PTPRD: variants seen among roughly 807,000 people sequenced by gnomAD.
PTPRD encodes the protein receptor-type tyrosine-protein phosphatase delta.
Under a neutral mutation model 214.5 loss-of-function variants are expected in PTPRD, and 34 were observed. The ratio of observed to expected loss-of-function variants is 0.16; its 90% CI spans 0.12 to 0.21. PTPRD has a LOEUF of 0.21. Ranked by LOEUF, PTPRD falls within the 10% of genes least tolerant of loss-of-function variation. The pLI, the probability that PTPRD is intolerant of heterozygous loss-of-function variation, is 1.00. For missense variants in PTPRD, 2,545 were observed against 2,398.7 expected (o/e 1.06, Z -1.27); for synonymous variants, 1,128 against 845.7 (o/e 1.33, Z -5.79).
chr9:10,552,395 C>A (rs1467771088), intron 2 of PTPRD, among the ~76,000 whole-genome samples: 1 of 152,272 alleles, frequency 6.6e-6, no homozygotes, highest in Non-Finnish European at 1.5e-5. Flanking sequence ...CAGAGAATTT[C>A]TTGAGTGCTG....
chr9:10,383,570 T>C, intron 2 of PTPRD, among the ~76,000 whole-genome samples: 1 of 151,780 alleles, frequency 6.6e-6, no homozygotes, highest in East Asian at 1.9e-4. Flanking sequence ...TTTAACTCAC[T>C]TTTCTTTTTT....
chr9:10,277,513 G>C (rs1185035631), intron 3 of PTPRD, among the ~76,000 whole-genome samples: 1 of 152,132 alleles, frequency 6.6e-6, no homozygotes, highest in Non-Finnish European at 1.5e-5. Context: ...TAATCATAGA[G>C]CCTAACATAT....
chr9:8,689,531 G>A (rs2097760627), intron 12 of PTPRD, among the ~76,000 whole-genome samples: 1 of 152,156 alleles, frequency 6.6e-6, no homozygotes, highest in African/African-American at 2.4e-5. Context: ...ATAAGGAAGA[G>A]GCAAAAGTGG....
chr9:9,327,960 T>C (rs1223777523), intron 9 of PTPRD, among the ~76,000 whole-genome samples: 2 of 151,348 alleles, frequency 1.3e-5, no homozygotes, highest in Admixed American at 1.3e-4. Context: ...AGTTTACAAA[T>C]TTGTTTTGGG....
intron 9 of PTPRD, among the ~76,000 whole-genome samples, chr9:9,371,927 G>C (rs1192276019): frequency 2.6e-5 from 4 of 152,168 alleles, no homozygotes; most frequent in African/African-American, 9.7e-5. Flanking sequence ...GCAGTTTTGA[G>C]TGAGTTTCTT....
At chr9:10,017,207 C>T (rs1326100858) in intron 4 of PTPRD, among the ~76,000 whole-genome samples, 2 of 152,046 alleles carry the variant, frequency 1.3e-5, no homozygotes, top group Non-Finnish European at 2.9e-5. Flanking sequence ...GTTTAATTTG[C>T]ATTTATCTTA....
chr9:9,972,046 C>T (rs2095131572), intron 4 of PTPRD, among the ~76,000 whole-genome samples: 2 of 152,004 alleles, frequency 1.3e-5, no homozygotes, highest in African/African-American at 4.8e-5. Context: ...GAATGAATTG[C>T]ACTTTTCCCA....
At chr9:9,383,527 G>T (rs926122138) in intron 9 of PTPRD, among the ~76,000 whole-genome samples, 9 of 152,126 alleles carry the variant, frequency 5.9e-5, no homozygotes, top group Non-Finnish European at 1.2e-4. Context: ...TTTGATTGAG[G>T]CAATGCCATG....
intron 3 of PTPRD, among the ~76,000 whole-genome samples, chr9:10,338,471 G>T (rs1267200239): frequency 6.6e-6 from 1 of 151,686 alleles, no homozygotes; most frequent in East Asian, 1.9e-4. Flanking sequence ...TTTTTTGTGT[G>T]CCCAGCACAT....
intron 2 of PTPRD, among the ~76,000 whole-genome samples, chr9:10,449,616 G>A (rs540568093): frequency 4.9e-4 from 74 of 150,222 alleles, no homozygotes; most frequent in South Asian, 2.3e-3. Flanking sequence ...GCCGCCCATC[G>A]TCTGAGATGT....
chr9:10,378,888 T>C (rs768775541), intron 2 of PTPRD, among the ~76,000 whole-genome samples: 1 of 152,036 alleles, frequency 6.6e-6, no homozygotes, highest in African/African-American at 2.4e-5. Flanking sequence ...TTGTATTGAA[T>C]CTGTAGATGA....
rs1820991430 is a variant in PTPRD, at chr9:8,315,138, G to C, written c.*2736C>G. ...TGGCAGATAAAGATGGTTCACCTGG[G>C]AAATTAAAACTTGAATGGTTGTACA... On this transcript the variant is annotated 3_prime_UTR_variant, in exon 46 of 46. Transcript: ENST00000381196. The C allele has an allele frequency of 8.6e-6, 2 of 232,624 alleles. No homozygotes were observed. The highest frequency in any genetic ancestry group is 1.7e-5 in the Non-Finnish European group (2 of 117,378). The allele number at this position is 232,624 out of a possible 1,614,324, so 14.4% of individuals were successfully genotyped here. A position where few individuals can be genotyped will look rare whatever the true frequency, so the allele number is the denominator to read the frequency against.
At chr9:9,241,221 T>G (rs1483708831) in intron 9 of PTPRD, among the ~76,000 whole-genome samples, 1 of 152,204 alleles carries the variant, frequency 6.6e-6, no homozygotes, top group Non-Finnish European at 1.5e-5. Context: ...TTGTTTTGTT[T>G]TTATTTTAAG....
intron 11 of PTPRD, among the ~76,000 whole-genome samples, chr9:8,875,706 A>G (rs938193138): frequency 2.0e-5 from 3 of 152,162 alleles, no homozygotes; most frequent in Non-Finnish European, 2.9e-5. Flanking sequence ...TCCTTAGATA[A>G]TGCTAAACAT....
chr9:8,706,841 T>C (rs2098220388), intron 12 of PTPRD, among the ~76,000 whole-genome samples: 1 of 152,202 alleles, frequency 6.6e-6, no homozygotes, highest in African/African-American at 2.4e-5. Flanking sequence ...CTGATTTCAC[T>C]GCAGCATGCC....
chr9:9,184,646 T>C (rs962577026), intron 9 of PTPRD, among the ~76,000 whole-genome samples: 2 of 152,204 alleles, frequency 1.3e-5, no homozygotes, highest in Admixed American at 6.6e-5. Context: ...GTGTTTATTA[T>C]AGCACTTAGC....
chr9:9,922,110 G>C (rs1027336044), intron 5 of PTPRD, among the ~76,000 whole-genome samples: 1 of 152,058 alleles, frequency 6.6e-6, no homozygotes, highest in Non-Finnish European at 1.5e-5. Context: ...CAAGAAGTTA[G>C]CAAATCACTC....
intron 7 of PTPRD, among the ~76,000 whole-genome samples, chr9:9,732,303 G>GA (rs997737418): frequency 3.4e-4 from 51 of 151,314 alleles, no homozygotes; most frequent in African/African-American, 1.0e-3. Flanking sequence ...TCAAACTAGG[G>GA]AAAAAAAACT....
At chr9:10,214,477 T>C (rs1000680467) in intron 3 of PTPRD, among the ~76,000 whole-genome samples, 2 of 149,596 alleles carry the variant, frequency 1.3e-5, no homozygotes, top group African/African-American at 2.5e-5. Context: ...GGTTTCACCA[T>C]GTTGGCCAGG....
Sources: gnomAD v4.1 joint callset for allele counts (sites outside exome capture counted in the v4.1 genomes callset) on GRCh38, gnomAD v4.1.1 for gene constraint, MANE v1.5 for transcripts, NCBI Gene and HGNC (gene_info 2026-07-23, HGNC 2026-07-21) for gene names.